CLUL1: variants seen among roughly 807,000 people sequenced by gnomAD.
CLUL1 encodes the protein clusterin-like protein 1.
CLUL1 carries 43 observed loss-of-function variants against 49.4 expected under a neutral mutation model. The observed-to-expected ratio is 0.87, with a 90% confidence interval of 0.68 to 1.12. CLUL1 has a LOEUF of 1.12. Ranked by LOEUF, CLUL1 falls within the 50% of genes most tolerant of loss-of-function variation. CLUL1 has a pLI of 0.00. For missense variants in CLUL1, 486 were observed against 544.4 expected, an observed-to-expected ratio of 0.89 and a Z score of 1.07; for synonymous variants, 192 against 184.9, an observed-to-expected ratio of 1.04 and a Z score of -0.31.
chr18:627,602 AG>A, intron 6 of CLUL1, 73 bp downstream of exon 6: 8 of 1,044,314 alleles, frequency 7.7e-6, no homozygotes, highest in Non-Finnish European at 1.1e-5. Context: ...CAGAAATGGT[AG>A]ACATTTCTGA....
intron 2 of CLUL1, among the ~76,000 whole-genome samples, chr18:607,459 G>A (rs189068910): frequency 5.9e-5 from 9 of 152,116 alleles, no homozygotes; most frequent in Admixed American, 4.6e-4. Flanking sequence ...TTTTAGACAA[G>A]GTCTAGCTCT....
chr18:608,782 G>T (rs2073052682), intron 2 of CLUL1, among the ~76,000 whole-genome samples: 1 of 152,148 alleles, frequency 6.6e-6, no homozygotes, highest in Non-Finnish European at 1.5e-5. Flanking sequence ...GTCTCCTTTG[G>T]CCTGGGTCTC....
intron 2 of CLUL1, 89 bp from the exon 3 acceptor site, chr18:617,899 T>C (rs2143997088): frequency 1.9e-6 from 2 of 1,030,730 alleles, no homozygotes; most frequent in East Asian, 2.6e-5. Flanking sequence ...GACAGAAAAA[T>C]GCTTTGGAGC....
At chr18:616,142 A>G (rs1006354406) in intron 2 of CLUL1, among the ~76,000 whole-genome samples, 1 of 152,188 alleles carries the variant, frequency 6.6e-6, no homozygotes, top group Admixed American at 6.5e-5. Flanking sequence ...AGTTGTTTTT[A>G]AATGAATCAT....
rs1187444841 is a variant in CLUL1, at chr18:645,026, T to C, written c.1326T>C (p.Ala442=). ...TCAAGATCCCTCTTGAAGAAAGTGC[T>C]GAGAGTTCTAACTTCATTGGCTACG... ...FTLKIPLEES[A]ESSNFIGYVV... The change falls in exon 9 of 10, where the codon GCT becomes GCC. Residue 442 remains alanine, a synonymous_variant. Transcript: ENST00000692774. 9 of 1,613,492 alleles carry C rather than the reference T, an allele frequency of 5.6e-6. No individual in the cohort carries two copies. The highest frequency in any genetic ancestry group is 2.7e-5 in the African/African-American group (2 of 74,932).
intron 7 of CLUL1, among the ~76,000 whole-genome samples, chr18:635,190 G>A (rs991009598): frequency 2.6e-5 from 4 of 152,154 alleles, no homozygotes; most frequent in African/African-American, 9.7e-5. Context: ...CAGCCTTCTG[G>A]CACCAGGGAC....
At chr18:611,255 T>C (rs116447701) in intron 2 of CLUL1, among the ~76,000 whole-genome samples, 2,653 of 138,724 alleles carry the variant, frequency 0.019, 95 homozygotes, top group African/African-American at 0.066. Context: ...TTTTTTTTAG[T>C]AGTACAGATT....
rs36222515 is a variant in CLUL1, at chr18:630,672, C to CTTT, written c.857-2595_857-2593dup. Among the ~76,000 whole-genome samples the CTTT allele has an allele frequency of 5.4e-3, 333 of 62,054 alleles. 11 individuals carry two copies. Among genetic ancestry groups the CTTT allele is most frequent in the Non-Finnish European group, 5.9e-3 (218 of 36,662 alleles). The allele number at this position is 62,054 out of a possible 152,430, so 40.7% of individuals were successfully genotyped here. A position where few individuals can be genotyped will look rare whatever the true frequency, so the allele number is the denominator to read the frequency against. ...CGCAAAAAACTAGCCCTACTGACATCTTTTTTTTTTTTTTTTTTTTTTTTT... is the reference window on the plus strand; with the variant it reads ...CGCAAAAAACTAGCCCTACTGACATCTTTTTTTTTTTTTTTTTTTTTTTTTTTT... On this transcript the variant is annotated intron_variant, in intron 6 of 9. Transcript: ENST00000692774.
chr18:627,917 A>G (rs949408664), intron 6 of CLUL1, among the ~76,000 whole-genome samples: 1 of 152,054 alleles, frequency 6.6e-6, no homozygotes, highest in African/African-American at 2.4e-5. Context: ...TCTGCCTCCC[A>G]GGTTCAAGCA....
chr18:633,331 T>TA lies in CLUL1; in HGVS notation c.891dup (p.Pro298ThrfsTer12). The TA allele has an allele frequency of 6.2e-7, 1 of 1,613,436 alleles. No homozygotes were observed. The highest frequency in any genetic ancestry group is 8.5e-7 in the Non-Finnish European group (1 of 1,179,594). On this transcript the variant is annotated frameshift_variant, in exon 7 of 10. Coordinates refer to ENST00000692774, the MANE Select transcript of CLUL1 (RefSeq NM_001393344.1). LOFTEE classifies it high-confidence loss of function. Reference sequence around the variant, plus strand: ...CACGGAGGCCTGATTTCAAAGATGTTACCTGGGCAGGACAGAGGACTGTGT... The same window carrying TA: ...CACGGAGGCCTGATTTCAAAGATGTTAACCTGGGCAGGACAGAGGACTGTGT...
rs916450394 is a variant in CLUL1, at chr18:606,830, G to C, written c.-135-148G>C. 3 of 486,444 alleles carry C rather than the reference G, an allele frequency of 6.2e-6. No homozygotes were observed. Among genetic ancestry groups the C allele is most frequent in the Non-Finnish European group, 1.1e-5 (3 of 274,646 alleles). The allele number at this position is 486,444 out of a possible 1,614,324, so 30.1% of individuals were successfully genotyped here. A position where few individuals can be genotyped will look rare whatever the true frequency, so the allele number is the denominator to read the frequency against. On this transcript the variant is annotated intron_variant, in intron 1 of 9. Transcript: ENST00000692774. The surrounding 1 kb of genome is among the most constrained non-coding windows in gnomAD (Gnocchi z 4.1). ...GAGTGTTTAGAGCAGGAATGTTCTT[G>C]GGCATCTGCCTTCCCCCACCAGCAC... is the stretch of plus-strand genomic sequence containing the variant.
At chr18:631,836 G>T (rs1204189216) in intron 6 of CLUL1, among the ~76,000 whole-genome samples, 1 of 152,114 alleles carries the variant, frequency 6.6e-6, no homozygotes, top group East Asian at 1.9e-4. Flanking sequence ...TAATGGAAAA[G>T]ATAAGAAAGC....
Position 624,947 on chromosome 18 carries a change from G to A in CLUL1, c.338G>A (p.Trp113Ter), listed in dbSNP as rs773442638. 53 of 1,614,000 alleles carry A rather than the reference G, an allele frequency of 3.3e-5. No individual in the cohort carries two copies. Among genetic ancestry groups the A allele is most frequent in the Admixed American group, 6.7e-5 (4 of 60,006 alleles). ...RLCRESLADS[W>*]GECRSCLENN... ...TGCCGGGAGTCTTTGGCAGATTCCT[G>A]GGGTGAATGCAGGTCTTGCCTGGAA... is the stretch of plus-strand genomic sequence containing the variant. The change falls in exon 5 of 10, where the codon TGG becomes TAG. Residue 113 changes from tryptophan to a stop codon, truncating the protein, a stop_gained. Transcript: ENST00000692774. LOFTEE classifies it high-confidence loss of function.
At position 606,265 on chromosome 18, in the gene CLUL1, C is replaced by T. The variant is rs1483429750; in HGVS notation, c.-135-713C>T. On this transcript the variant is annotated intron_variant, in intron 1 of 9. Transcript: ENST00000692774. This position sits in a 1 kb window ranked among gnomAD's most constrained non-coding sequence, Gnocchi z 4.1. Reference sequence around the variant, plus strand: ...AACAGGGAGAAGGACGGCCACAGTCCCTCAATCCCCCTTTTCCAAGATGTG... The same window carrying T: ...AACAGGGAGAAGGACGGCCACAGTCTCTCAATCCCCCTTTTCCAAGATGTG... 6.6e-6 allele frequency among the ~76,000 whole-genome samples: 1 copy of T among 152,084 alleles called. No individual in the cohort carries two copies. The highest frequency in any genetic ancestry group is 2.4e-5 in the African/African-American group (1 of 41,392).
Position 644,369 on chromosome 18 carries a change from G to A in CLUL1, c.1210-541G>A, listed in dbSNP as rs367806150. Among the ~76,000 whole-genome samples the A allele has an allele frequency of 1.7e-4, 26 of 152,252 alleles. No individual in the cohort carries two copies. In the East Asian group the frequency reaches 2.5e-3, roughly 15 times the overall value. On this transcript the variant is annotated intron_variant, in intron 8 of 9. Transcript: ENST00000692774. ...TAACATAAATTTTGCATTGATTCTT[G>A]CCAAAATCACACCTACAACCATAAA...
At chr18:636,755 A>C (rs1219110502) in intron 7 of CLUL1, among the ~76,000 whole-genome samples, 1 of 150,890 alleles carries the variant, frequency 6.6e-6, no homozygotes, top group Non-Finnish European at 1.5e-5. Flanking sequence ...CCTCTCGAGT[A>C]GCTGGGATTA....
intron 5 of CLUL1, among the ~76,000 whole-genome samples, chr18:626,703 C>CA (rs1369403369): frequency 4.7e-5 from 7 of 148,732 alleles, no homozygotes; most frequent in Non-Finnish European, 7.4e-5. Flanking sequence ...TACTAAAATA[C>CA]AAAAAAAATT....
At chr18:634,504 AT>A (rs1273411891) in intron 7 of CLUL1, among the ~76,000 whole-genome samples, 1 of 151,832 alleles carries the variant, frequency 6.6e-6, no homozygotes, top group Non-Finnish European at 1.5e-5. Context: ...TGTTCTTGTG[AT>A]TTTTTTTATG....
intron 4 of CLUL1, among the ~76,000 whole-genome samples, chr18:624,533 A>G (rs772059449): frequency 2.8e-4 from 42 of 152,316 alleles, no homozygotes; most frequent in Non-Finnish European, 5.1e-4. Context: ...TAAATAGGTA[A>G]ATCACAGTTG....
Sources: allele counts gnomAD v4.1 joint callset (sites outside exome capture counted in the v4.1 genomes callset), GRCh38; gene constraint gnomAD v4.1.1; non-coding constraint Gnocchi (gnomAD v3.1); transcripts MANE v1.5; gene names NCBI Gene and HGNC (gene_info 2026-07-23, HGNC 2026-07-21).